BANP: variants seen among roughly 807,000 people sequenced by gnomAD.
BANP encodes the protein protein BANP.
A neutral mutation model predicts 68.1 loss-of-function variants in BANP; 11 were observed. The ratio of observed to expected loss-of-function variants is 0.16; its 90% CI spans 0.10 to 0.27. BANP has a LOEUF of 0.27. Among genes scored for constraint, BANP ranks in the 10% least tolerant of loss-of-function variants. The pLI is 1.00. For synonymous variants in BANP, 329 were observed against 303.2 expected, an observed-to-expected ratio of 1.09 and a Z score of -0.88; for missense variants, 504 against 722.7, an observed-to-expected ratio of 0.70 and a Z score of 3.47.
intron 11 of BANP, among the ~76,000 whole-genome samples, chr16:88,055,121 C>A (rs62046891): frequency 1.3e-5 from 2 of 150,148 alleles, no homozygotes; most frequent in South Asian, 2.1e-4. Context: ...CCCTTTTTTG[C>A]CCTTTTTTTT....
chr16:88,019,488 C>G (rs961899103), intron 7 of BANP, among the ~76,000 whole-genome samples: 11 of 149,954 alleles, frequency 7.3e-5, no homozygotes, highest in African/African-American at 2.2e-4. Context: ...AATCTGATCT[C>G]GAAACAGGGC....
Position 88,003,442 on chromosome 16 carries a change from A to G in BANP, c.363-853A>G. 1 of 456,216 alleles carries G rather than the reference A, an allele frequency of 2.2e-6. No homozygotes were observed. Among genetic ancestry groups the G allele is most frequent in the Non-Finnish European group, 4.4e-6 (1 of 226,944 alleles). 28.3% of individuals were successfully genotyped at this position (456,216 alleles called of 1,614,324 possible). A position where few individuals can be genotyped will look rare whatever the true frequency, so the allele number is the denominator to read the frequency against. On this transcript the variant is annotated intron_variant, in intron 4 of 13. Coordinates refer to ENST00000682872, the MANE Select transcript of BANP (RefSeq NM_001386991.1). The surrounding 1 kb of genome is among the most constrained non-coding windows in gnomAD (Gnocchi z 6.1). The stretch of plus-strand genomic sequence containing the variant: ...AATGGAGTTTTATTGTCAGGTGATA[A>G]TCACGTTGTGTTTCTAGTGCTAGTT...
At chr16:88,023,696 G>A (rs1214733871) in intron 7 of BANP, among the ~76,000 whole-genome samples, 1 of 152,188 alleles carries the variant, frequency 6.6e-6, no homozygotes, top group African/African-American at 2.4e-5. Flanking sequence ...TGGCCCCACA[G>A]ATGGAGAGCT....
intron 13 of BANP, among the ~76,000 whole-genome samples, chr16:88,074,509 C>G (rs1009060730): frequency 6.6e-6 from 1 of 152,124 alleles, no homozygotes; most frequent in African/African-American, 2.4e-5. Context: ...CTCCCTGAAC[C>G]ATCTGTAGCA....
chr16:88,020,712 G>C (rs2075858802), intron 7 of BANP, among the ~76,000 whole-genome samples: 2 of 152,222 alleles, frequency 1.3e-5, no homozygotes, highest in Non-Finnish European at 2.9e-5. Flanking sequence ...TCCCAGGTGA[G>C]GAGTCCCTGC....
chr16:87,961,188 C>T (rs774107691), intron 1 of BANP, among the ~76,000 whole-genome samples: 1 of 152,210 alleles, frequency 6.6e-6, no homozygotes, highest in Non-Finnish European at 1.5e-5. Context: ...ATATTGCAAA[C>T]AGCCTTTAAG....
At chr16:87,969,332 A>C (rs1338266985) in intron 1 of BANP, among the ~76,000 whole-genome samples, 1 of 152,108 alleles carries the variant, frequency 6.6e-6, no homozygotes, top group African/African-American at 2.4e-5. Flanking sequence ...GGCCAGGTTA[A>C]GGGCTGTGGC....
intron 7 of BANP, among the ~76,000 whole-genome samples, chr16:88,020,534 G>C (rs2075819906): frequency 6.6e-6 from 1 of 152,288 alleles, no homozygotes; most frequent in African/African-American, 2.4e-5. Context: ...AGAAACGTCT[G>C]CAACCTGAGA....
chr16:88,051,207 G>A (rs954053430), intron 11 of BANP, among the ~76,000 whole-genome samples: 3 of 152,208 alleles, frequency 2.0e-5, no homozygotes, highest in Non-Finnish European at 2.9e-5. Context: ...TTAGGGCTGA[G>A]GCCGCAGACC....
At position 88,051,337 on chromosome 16, in the gene BANP, G is replaced by T. The variant is rs566305010; in HGVS notation, c.1311+13326G>T. Among the ~76,000 whole-genome samples the T allele has an allele frequency of 2.6e-5, 4 of 152,360 alleles. No homozygotes were observed. The East Asian group carries it at 5.8e-4, about 22-fold the overall frequency. ...GGCCTGCAGGGTGTGGGTGGGGTAC[G>T]GCACCTTTCAGGGCCTGTTGCTGCC... On this transcript the variant is annotated intron_variant, in intron 11 of 13. Transcript: ENST00000682872.
chr16:88,056,521 A>C (rs1327251245), intron 11 of BANP, among the ~76,000 whole-genome samples: 1 of 149,984 alleles, frequency 6.7e-6, no homozygotes, highest in African/African-American at 2.5e-5. Context: ...GTACACTTTC[A>C]GTGTTTTACT....
At chr16:87,953,281 G>GTCCCC (rs1567560033) in intron 1 of BANP, among the ~76,000 whole-genome samples, 1 of 152,102 alleles carries the variant, frequency 6.6e-6, no homozygotes, top group Non-Finnish European at 1.5e-5. Flanking sequence ...AAAAGCAATG[G>GTCCCC]TCCCCTGCCC....
intron 1 of BANP, among the ~76,000 whole-genome samples, chr16:87,972,164 C>T (rs1391335367): frequency 6.6e-6 from 1 of 152,228 alleles, no homozygotes; most frequent in East Asian, 1.9e-4. Context: ...GCTACTTTTT[C>T]TTGAGCTTTT....
At chr16:87,971,378 A>C (rs1567617995) in intron 1 of BANP, among the ~76,000 whole-genome samples, 1 of 152,134 alleles carries the variant, frequency 6.6e-6, no homozygotes, top group Non-Finnish European at 1.5e-5. Context: ...TTCAGGAGGG[A>C]ATTTTTGGGA....
chr16:88,033,892 C>T (rs56366274), intron 9 of BANP, among the ~76,000 whole-genome samples: 1 of 151,218 alleles, frequency 6.6e-6, no homozygotes, highest in Non-Finnish European at 1.5e-5. Context: ...GAGAGTAGGG[C>T]GTGGCTGAGA....
In BANP at chr16:88,037,961, C is replaced by G. The variant is rs200430799; in HGVS notation, c.1273-12C>G. ...TCTACTCATGACCGTCTCCTCCTCT[C>G]GTTCTTTGTAGGGCAACCTCCAGAT... On this transcript the variant is annotated splice_polypyrimidine_tract_variant and intron_variant, in intron 10 of 13. Coordinates refer to ENST00000682872, the MANE Select transcript of BANP (RefSeq NM_001386991.1). 180 of 1,613,514 alleles carry G rather than the reference C, an allele frequency of 1.1e-4. 1 individual carries two copies. The highest frequency in any genetic ancestry group is 9.9e-4 in the Middle Eastern group (6 of 6,056).
intron 7 of BANP, among the ~76,000 whole-genome samples, chr16:88,022,770 G>C (rs186803877): frequency 6.6e-6 from 1 of 152,118 alleles, no homozygotes; most frequent in Non-Finnish European, 1.5e-5. Flanking sequence ...GGTGGTGGCC[G>C]CATCCCTCCA....
intron 8 of BANP, among the ~76,000 whole-genome samples, chr16:88,032,518 A>G (rs1440804450): frequency 6.6e-6 from 1 of 152,208 alleles, no homozygotes. Context: ...TTTATGCTTA[A>G]AAGCTTTTTA....
chr16:88,036,600 A>G lies in BANP; in HGVS notation c.1272+1206A>G, dbSNP rs2079422503. On this transcript the variant is annotated intron_variant, in intron 10 of 13. Transcript: ENST00000682872. This position sits in a 1 kb window ranked among gnomAD's most constrained non-coding sequence, Gnocchi z 4.2. Reference sequence around the variant, plus strand: ...GTGGGTTATCCTGAGAGGGGAGCACATGCGTAAGGGTTCTGAGGGCGGAAT... The same window carrying G: ...GTGGGTTATCCTGAGAGGGGAGCACGTGCGTAAGGGTTCTGAGGGCGGAAT... Among the ~76,000 whole-genome samples the G allele has an allele frequency of 6.6e-6, 1 of 152,102 alleles. No individual in the cohort carries two copies. Among genetic ancestry groups the G allele is most frequent in the Non-Finnish European group, 1.5e-5 (1 of 68,008 alleles).
Sources: allele counts gnomAD v4.1 joint callset (sites outside exome capture counted in the v4.1 genomes callset), GRCh38; gene constraint gnomAD v4.1.1; non-coding constraint Gnocchi (gnomAD v3.1); transcripts MANE v1.5; gene names NCBI Gene and HGNC (gene_info 2026-07-23, HGNC 2026-07-21).